Variants in COL5A2 observed in about 807,000 individuals in gnomAD.
COL5A2 encodes the protein collagen type V alpha 2 chain.
A neutral mutation model predicts 208.2 loss-of-function variants in COL5A2; 23 were observed. That is an observed-to-expected ratio of 0.11 (90% confidence interval 0.08 to 0.16). The LOEUF is 0.16. COL5A2 is among the 10% of genes least tolerant of loss of function. The pLI is 1.00. For synonymous variants in COL5A2, 625 were observed against 628.5 expected, an observed-to-expected ratio of 0.99 and a Z score of 0.08; for missense variants, 1,590 against 1,956.4, an observed-to-expected ratio of 0.81 and a Z score of 3.53.
chr2:189,125,775 G>A (rs1172038142), intron 1 of COL5A2, among the ~76,000 whole-genome samples: 2 of 152,022 alleles, frequency 1.3e-5, no homozygotes, highest in Non-Finnish European at 2.9e-5. Context: ...AATTTTGGGG[G>A]AAGTTGAAAG....
intron 1 of COL5A2, among the ~76,000 whole-genome samples, chr2:189,218,808 AT>A (rs2105876278): frequency 6.6e-6 from 1 of 152,276 alleles, no homozygotes; most frequent in South Asian, 2.1e-4. Flanking sequence ...AGTCAACAGT[AT>A]GCTTGATATT....
At chr2:189,277,443 T>C in the COL5A2 span, among the ~76,000 whole-genome samples, 1 of 152,042 alleles carries the variant, frequency 6.6e-6, no homozygotes, top group Non-Finnish European at 1.5e-5. Context: ...TACCTGCGAG[T>C]TCGGGTCAAT....
upstream of COL5A2, among the ~76,000 whole-genome samples, chr2:189,181,225 TAGACTCTGGA>T (rs1688775156): frequency 6.6e-6 from 1 of 152,238 alleles, no homozygotes; most frequent in African/African-American, 2.4e-5. Flanking sequence ...GCTTTGGAAC[TAGACTCTGGA>T]TAAATATTCC....
the COL5A2 span, among the ~76,000 whole-genome samples, chr2:189,401,221 A>C: frequency 6.6e-6 from 1 of 150,970 alleles, no homozygotes; most frequent in Non-Finnish European, 1.5e-5. Context: ...CCCTCCTCCC[A>C]CTCTCTGACA....
At chr2:189,274,835 G>A in the COL5A2 span, among the ~76,000 whole-genome samples, 1 of 151,794 alleles carries the variant, frequency 6.6e-6, no homozygotes, top group Non-Finnish European at 1.5e-5. Context: ...AATATTTCTA[G>A]TGTTCATGGT....
the COL5A2 span, among the ~76,000 whole-genome samples, chr2:189,282,916 G>A: frequency 6.6e-6 from 1 of 151,962 alleles, no homozygotes; most frequent in Non-Finnish European, 1.5e-5. Flanking sequence ...ATTTACTATA[G>A]GTGCTAAAAA....
At chr2:189,092,837 G>A (rs947289897) in intron 6 of COL5A2, among the ~76,000 whole-genome samples, 3 of 152,028 alleles carry the variant, frequency 2.0e-5, no homozygotes, top group Admixed American at 6.6e-5. Context: ...CTATGTATAC[G>A]TCTGCTTAAC....
At chr2:189,367,831 A>G in the COL5A2 span, among the ~76,000 whole-genome samples, 1 of 152,138 alleles carries the variant, frequency 6.6e-6, no homozygotes, top group Non-Finnish European at 1.5e-5. Context: ...ATTACTACAA[A>G]TATTTTAAAT....
chr2:189,152,969 G>A (rs1269354834), intron 1 of COL5A2, among the ~76,000 whole-genome samples: 1 of 152,138 alleles, frequency 6.6e-6, no homozygotes, highest in African/African-American at 2.4e-5. Context: ...AAGAAACACT[G>A]CAGATATTCA....
intron 2 of COL5A2, among the ~76,000 whole-genome samples, chr2:189,109,636 A>G (rs1292809600): frequency 1.3e-5 from 2 of 152,220 alleles, no homozygotes. Context: ...ACTGAAATAC[A>G]TAATATCTGT....
At position 189,197,999 on chromosome 2, in the gene COL5A2, G is replaced by A. The variant is rs141982314; in HGVS notation, c.-42+27149C>T. On this transcript the variant is annotated intron_variant, in intron 1 of 10. Transcript: ENST00000649966. Reference sequence around the variant, plus strand: ...CGAGGAACTGGGACTACAGGTGCCCGCCACCACACCCAGCTAATTTTTTGT... The same window carrying A: ...CGAGGAACTGGGACTACAGGTGCCCACCACCACACCCAGCTAATTTTTTGT... 6.4e-3 allele frequency among the ~76,000 whole-genome samples: 970 copies of A among 152,012 alleles called. 11 individuals are homozygous for A. Among genetic ancestry groups the A allele is most frequent in the African/African-American group, 0.022 (904 of 41,450 alleles).
At chr2:189,360,785 A>G in the COL5A2 span, among the ~76,000 whole-genome samples, 2 of 151,842 alleles carry the variant, frequency 1.3e-5, no homozygotes, top group Non-Finnish European at 2.9e-5. Flanking sequence ...CACCCCTCCA[A>G]CAGGCCCCAG....
chr2:189,281,942 G>A, the COL5A2 span, among the ~76,000 whole-genome samples: 1 of 152,170 alleles, frequency 6.6e-6, no homozygotes, highest in African/African-American at 2.4e-5. Context: ...CCAGCACTTC[G>A]GGAGGCCGAG....
the COL5A2 span, among the ~76,000 whole-genome samples, chr2:189,236,480 C>T: frequency 6.6e-6 from 1 of 151,794 alleles, no homozygotes; most frequent in South Asian, 2.1e-4. Context: ...ATTTACAACT[C>T]CTATCAATAA....
intron 45 of COL5A2, 86 bp downstream of exon 45, chr2:189,048,122 CA>C (rs1257499062): frequency 8.1e-7 from 1 of 1,227,734 alleles, no homozygotes; most frequent in African/African-American, 1.5e-5. Context: ...TTGGAACTAT[CA>C]GGAAAAATGA....
intron 12 of COL5A2, among the ~76,000 whole-genome samples, chr2:189,081,292 T>C (rs1686529199): frequency 6.6e-6 from 1 of 152,158 alleles, no homozygotes; most frequent in Admixed American, 6.5e-5. Context: ...AGGTATTGAG[T>C]TCATGACATT....
the COL5A2 span, among the ~76,000 whole-genome samples, chr2:189,279,177 A>G: frequency 6.6e-6 from 1 of 151,996 alleles, no homozygotes; most frequent in African/African-American, 2.4e-5. Context: ...AAAGAAAGAA[A>G]GAATAAGACG....
At chr2:189,426,777 A>G in the COL5A2 span, among the ~76,000 whole-genome samples, 1 of 152,210 alleles carries the variant, frequency 6.6e-6, no homozygotes, top group Non-Finnish European at 1.5e-5. Context: ...AAAAGGGATG[A>G]TTTAGTGTAT....
chr2:189,415,298 C>T, the COL5A2 span, among the ~76,000 whole-genome samples: 5 of 152,134 alleles, frequency 3.3e-5, no homozygotes, highest in South Asian at 1.0e-3. Context: ...ATTTTGCTTT[C>T]CTCAATATTC....
Sources: allele counts gnomAD v4.1 joint callset (sites outside exome capture counted in the v4.1 genomes callset), GRCh38; gene constraint gnomAD v4.1.1; transcripts MANE v1.5; gene names NCBI Gene and HGNC (gene_info 2026-07-23, HGNC 2026-07-21).